The following CTBS variants were observed in gnomAD, a reference collection of about 807,000 sequenced individuals.
The protein encoded by CTBS is chitobiase, also known as di-N-acetylchitobiase.
CTBS carries 35 observed loss-of-function variants against 44.3 expected under a neutral mutation model. The observed-to-expected ratio is 0.79, with a 90% CI of 0.60 to 1.05. The LOEUF (loss-of-function observed/expected upper bound fraction) is 1.05. CTBS is among the 50% of genes least tolerant of loss of function. The pLI, the probability that CTBS is intolerant of heterozygous loss-of-function variation, is 0.00. For synonymous variants in CTBS, 143 were observed against 168.0 expected, an observed-to-expected ratio of 0.85 and a Z score of 1.15; for missense variants, 458 against 475.3, an observed-to-expected ratio of 0.96 and a Z score of 0.34.
rs949907899 is a variant in CTBS, at chr1:84,553,855, T to C, written c.*1144A>G. The C allele has an allele frequency of 2.0e-5, 3 of 152,210 alleles. No individual in the cohort carries two copies. The highest frequency in any genetic ancestry group is 6.5e-5 in the Admixed American group (1 of 15,286). The allele number at this position is 152,210 out of a possible 1,614,324, so 9.4% of individuals were successfully genotyped here. ...AGATTTTTAATCTGTAATTAGGAAC[T>C]AATAAGGGCAGCACAATGTTGTTCT... is the stretch of plus-strand genomic sequence containing the variant. On this transcript the variant is annotated 3_prime_UTR_variant, in exon 7 of 7. Transcript: ENST00000370630.
chr1:84,571,249 C>T (rs964327957), intron 1 of CTBS, among the ~76,000 whole-genome samples: 1 of 152,146 alleles, frequency 6.6e-6, no homozygotes, highest in Admixed American at 6.5e-5. Context: ...TGGAGGAATC[C>T]AAGTAAGAGA....
chr1:84,551,386 A>T lies in CTBS; in HGVS notation c.*3613T>A. ...ATAAAAATAAAAATAAATAAAATTT[A>T]AAAATAAAAAAATAGAATTAGCACT... On this transcript the variant is annotated 3_prime_UTR_variant, in exon 7 of 7. Transcript: ENST00000370630. The T allele has an allele frequency of 5.8e-6, 4 of 689,200 alleles. No individual in the cohort carries two copies. The highest frequency in any genetic ancestry group is 7.1e-6 in the Non-Finnish European group (4 of 559,798). The allele number at this position is 689,200 out of a possible 1,614,324, so 42.7% of individuals were successfully genotyped here. A position where few individuals can be genotyped will look rare whatever the true frequency, so the allele number is the denominator to read the frequency against.
intron 2 of CTBS, 142 bp from the exon 3 acceptor site, chr1:84,570,281 T>C: frequency 1.4e-6 from 1 of 703,510 alleles, no homozygotes; most frequent in Non-Finnish European, 2.3e-6. Context: ...ATCTCCAAAA[T>C]AACCATTATA....
Position 84,551,382 on chromosome 1 carries a change from A to G in CTBS, c.*3617T>C. 6.9e-6 allele frequency: 5 copies of G among 729,702 alleles called. No individual in the cohort carries two copies. Among genetic ancestry groups the G allele is most frequent in the Non-Finnish European group, 8.4e-6 (5 of 596,906 alleles). 45.2% of individuals were successfully genotyped at this position (729,702 alleles called of 1,614,324 possible). A position where few individuals can be genotyped will look rare whatever the true frequency, so the allele number is the denominator to read the frequency against. On this transcript the variant is annotated 3_prime_UTR_variant, in exon 7 of 7. Transcript: ENST00000370630. ...TCAGATAAAAATAAAAATAAATAAA[A>G]TTTAAAAATAAAAAAATAGAATTAG... is the stretch of plus-strand genomic sequence containing the variant.
rs1450532551 is a variant in CTBS, at chr1:84,553,871, A to T, written c.*1128T>A. 6.6e-6 allele frequency: 1 copy of T among 152,228 alleles called. No homozygotes were observed. The highest frequency in any genetic ancestry group is 1.5e-5 in the Non-Finnish European group (1 of 68,036). The allele number at this position is 152,228 out of a possible 1,614,324, so 9.4% of individuals were successfully genotyped here. On this transcript the variant is annotated 3_prime_UTR_variant, in exon 7 of 7. Transcript: ENST00000370630. ...ATTAGGAACTAATAAGGGCAGCACA[A>T]TGTTGTTCTTAATTCCCTGGAGAAA...
chr1:84,551,155 T>C lies in CTBS; in HGVS notation c.*3844A>G, dbSNP rs1273281429. On this transcript the variant is annotated 3_prime_UTR_variant, in exon 7 of 7. Coordinates refer to ENST00000370630, the MANE Select transcript of CTBS (RefSeq NM_004388.3). Reference sequence around the variant, plus strand: ...AGTACATATGTATTAAAAAGCTTTTTTGTTGAACAGAAAACAGAAGATTAT... The same window carrying C: ...AGTACATATGTATTAAAAAGCTTTTCTGTTGAACAGAAAACAGAAGATTAT... 3 of 985,154 alleles carry C rather than the reference T, an allele frequency of 3.0e-6. No individual in the cohort carries two copies. The highest frequency in any genetic ancestry group is 6.2e-5 in the Admixed American group (1 of 16,236). 61.0% of individuals were successfully genotyped at this position (985,154 alleles called of 1,614,324 possible). A position where few individuals can be genotyped will look rare whatever the true frequency, so the allele number is the denominator to read the frequency against.
chr1:84,574,020 G>C (rs531418588), intron 1 of CTBS: 38 of 1,397,528 alleles, frequency 2.7e-5, no homozygotes, highest in Non-Finnish European at 3.5e-5. Flanking sequence ...GCCTGCCTAC[G>C]CAGGCACTTA....
rs777258347 is a variant in CTBS at position 84,553,168 on chromosome 1, G to A, written c.*1831C>T. ...TTTATTTGTAAAAAAATTTAAATAT[G>A]TATTTGAACAGATTTGTTTAACCAT... On this transcript the variant is annotated 3_prime_UTR_variant, in exon 7 of 7. Coordinates refer to ENST00000370630, the MANE Select transcript of CTBS (RefSeq NM_004388.3). The A allele has an allele frequency of 1.8e-6, 2 of 1,110,352 alleles. No individual in the cohort carries two copies. Among genetic ancestry groups the A allele is most frequent in the South Asian group, 1.6e-5 (1 of 64,064 alleles). The allele number at this position is 1,110,352 out of a possible 1,614,324, so 68.8% of individuals were successfully genotyped here. A position where few individuals can be genotyped will look rare whatever the true frequency, so the allele number is the denominator to read the frequency against.
intron 6 of CTBS, among the ~76,000 whole-genome samples, chr1:84,559,687 T>C (rs1405752978): frequency 1.3e-5 from 2 of 152,060 alleles, no homozygotes; most frequent in Non-Finnish European, 2.9e-5. Context: ...AATTTTGCAA[T>C]GAATAAAAAA....
At chr1:84,560,024 C>T (rs1194118597) in intron 6 of CTBS, among the ~76,000 whole-genome samples, 1 of 140,558 alleles carries the variant, frequency 7.1e-6, no homozygotes. Flanking sequence ...GCAGAGGGTG[C>T]AGTGAACCCA....
At chr1:84,565,378 A>G (rs1440411150) in intron 4 of CTBS, among the ~76,000 whole-genome samples, 2 of 152,214 alleles carry the variant, frequency 1.3e-5, no homozygotes, top group African/African-American at 4.8e-5. Context: ...CACAGATACT[A>G]AAAGAAGTTA....
chr1:84,550,458 G>T lies in CTBS; in HGVS notation c.*4541C>A. The T allele has an allele frequency of 6.4e-7, 1 of 1,560,464 alleles. No individual in the cohort carries two copies. The highest frequency in any genetic ancestry group is 2.3e-5 in the East Asian group (1 of 42,588). Reference sequence around the variant, plus strand: ...ATTACCTAATAATCCAGATCACTGAGGTACAGCATGCAATTGACCAGCTTA... The same window carrying T: ...ATTACCTAATAATCCAGATCACTGATGTACAGCATGCAATTGACCAGCTTA... On this transcript the variant is annotated 3_prime_UTR_variant, in exon 7 of 7. Transcript: ENST00000370630.
chr1:84,564,994 G>A (rs754874206), intron 4 of CTBS, among the ~76,000 whole-genome samples: 2 of 152,046 alleles, frequency 1.3e-5, no homozygotes, highest in African/African-American at 4.8e-5. Flanking sequence ...GGCTATCATA[G>A]TGCCACTGCA....
rs1684309027 is a variant in CTBS at position 84,552,578 on chromosome 1, A to T, written c.*2421T>A. On this transcript the variant is annotated 3_prime_UTR_variant, in exon 7 of 7. Transcript: ENST00000370630. Reference sequence around the variant, plus strand: ...ATTTTTGAAAAAAAAATAAGAGACTAATACACTTAGAAGAGTGCTTGCCAC... The same window carrying T: ...ATTTTTGAAAAAAAAATAAGAGACTTATACACTTAGAAGAGTGCTTGCCAC... 1 of 152,376 alleles carries T rather than the reference A, an allele frequency of 6.6e-6. No homozygotes were observed. Among genetic ancestry groups the T allele is most frequent in the South Asian group, 2.1e-4 (1 of 4,830 alleles). The allele number at this position is 152,376 out of a possible 1,614,324, so 9.4% of individuals were successfully genotyped here.
Position 84,570,692 on chromosome 1 carries a change from G to C in CTBS, c.206C>G (p.Thr69Ser). 6.2e-7 allele frequency: 1 copy of C among 1,613,730 alleles called. No homozygotes were observed. The highest frequency in any genetic ancestry group is 8.5e-7 in the Non-Finnish European group (1 of 1,179,846). The change falls in exon 2 of 7, where the codon ACT becomes AGT. Residue 69 changes from threonine to serine, a missense_variant. Thr to Ser is a moderately conservative substitution (Grantham distance 58). Coordinates refer to ENST00000370630, the MANE Select transcript of CTBS (RefSeq NM_004388.3). Reference sequence around the variant, plus strand: ...CTGTGACCAATCATAAGATTTCCAAGTTTTCTGTCCAACATCAAACACAAA... The same window carrying C: ...CTGTGACCAATCATAAGATTTCCAACTTTTCTGTCCAACATCAAACACAAA... Reference protein sequence around the residue: ...EVFVFDVGQKTWKSYDWSQIT... With the variant: ...EVFVFDVGQKSWKSYDWSQIT...
In CTBS at chr1:84,574,298, C is replaced by T. The variant is rs934191660; in HGVS notation, c.118G>A (p.Asp40Asn). Residue 40 changes from aspartate (D) to asparagine (N), a missense_variant, in exon 1 of 7, where the codon GAC (aspartate) becomes AAC (asparagine). By Grantham distance (23) the Asp-to-Asn change is conservative. Coordinates refer to ENST00000370630, the MANE Select transcript of CTBS (RefSeq NM_004388.3). Reference sequence around the variant, plus strand: ...AGCTCAGGCTCCGGGCATGGGCAGTCGGTCCCGGCCGCGAGCCGCAGCGCC... The same window carrying T: ...AGCTCAGGCTCCGGGCATGGGCAGTTGGTCCCGGCCGCGAGCCGCAGCGCC... ...LLALRLAAGT[D>N]CPCPEPELCR... is the part of the protein sequence containing the mutation. 6.4e-7 allele frequency: 1 copy of T among 1,565,744 alleles called. No individual in the cohort carries two copies.
chr1:84,562,393 C>T (rs1266823889), intron 6 of CTBS, among the ~76,000 whole-genome samples: 3 of 152,130 alleles, frequency 2.0e-5, no homozygotes, highest in Admixed American at 2.0e-4. Flanking sequence ...TACACTAAAG[C>T]TCTCTGTGGA....
Position 84,564,643 on chromosome 1 carries a change from C to A in CTBS, c.698-811G>T, listed in dbSNP as rs139237636. ...CCACCTCAGCCTCCCAAGGCTTGAA[C>A]CTTTTATTGATAGAACATAATTATA... On this transcript the variant is annotated intron_variant, in intron 4 of 6. Transcript: ENST00000370630. Among the ~76,000 whole-genome samples, 16 of 152,238 alleles carry A rather than the reference C, an allele frequency of 1.1e-4. No homozygotes were observed. The East Asian group carries it at 2.5e-3, about 24-fold the overall frequency.
chr1:84,565,711 A>T, intron 4 of CTBS, 130 bp downstream of exon 4: 1 of 419,910 alleles, frequency 2.4e-6, no homozygotes, highest in Non-Finnish European at 3.7e-6. Flanking sequence ...AGTGATTTTT[A>T]CATGTTTGAA....
Sources: gnomAD v4.1 joint callset for allele counts (sites outside exome capture counted in the v4.1 genomes callset) on GRCh38, gnomAD v4.1.1 for gene constraint, MANE v1.5 for transcripts, NCBI Gene and HGNC (gene_info 2026-07-23, HGNC 2026-07-21) for gene names.